The following MUSK variants were observed in gnomAD, a reference collection of about 807,000 sequenced individuals.
MUSK encodes muscle, skeletal receptor tyrosine-protein kinase.
A neutral mutation model predicts 88.7 loss-of-function variants in MUSK; 55 were observed. The ratio of observed to expected loss-of-function variants is 0.62; its 90% CI spans 0.50 to 0.78. The LOEUF (loss-of-function observed/expected upper bound fraction) is 0.78, where lower values mean the gene tolerates loss of function less well. Ranked by LOEUF, MUSK falls within the 30% of genes least tolerant of loss-of-function variation. The pLI is 0.00. For missense variants in MUSK, 1,015 were observed against 1,074.3 expected (o/e 0.94, Z 0.77); for synonymous variants, 387 against 391.9 (o/e 0.99, Z 0.15).
Position 110,803,296 on chromosome 9 carries a change from T to G in MUSK, c.*2308T>G, listed in dbSNP as rs2078120268. On this transcript the variant is annotated 3_prime_UTR_variant, in exon 15 of 15. Transcript: ENST00000374448. Reference sequence around the variant, plus strand: ...AATGTTGGTACTATCATTATATACATTTTAGTTTTGCTTTGTTTTGTTTTG... The same window carrying G: ...AATGTTGGTACTATCATTATATACAGTTTAGTTTTGCTTTGTTTTGTTTTG... Among the ~76,000 whole-genome samples, 1 of 152,218 alleles carries G rather than the reference T, an allele frequency of 6.6e-6. No homozygotes were observed. The highest frequency in any genetic ancestry group is 1.5e-5 in the Non-Finnish European group (1 of 68,036).
intron 9 of MUSK, among the ~76,000 whole-genome samples, chr9:110,770,500 TATA>T (rs2077557976): frequency 6.8e-6 from 1 of 146,968 alleles, no homozygotes; most frequent in Non-Finnish European, 1.5e-5. Flanking sequence ...TTTATAATAA[TATA>T]ATTATATATT....
intron 9 of MUSK, among the ~76,000 whole-genome samples, chr9:110,771,432 G>A (rs1378331603): frequency 6.6e-6 from 1 of 151,888 alleles, no homozygotes; most frequent in Non-Finnish European, 1.5e-5. Flanking sequence ...ATCTCTAAAG[G>A]CATCGTCGTT....
At chr9:110,672,997 C>T (rs1587873221) in intron 1 of MUSK, among the ~76,000 whole-genome samples, 2 of 152,176 alleles carry the variant, frequency 1.3e-5, no homozygotes, top group East Asian at 3.9e-4. Flanking sequence ...AAATAGTGCC[C>T]TAGTTTAAAC....
intron 5 of MUSK, among the ~76,000 whole-genome samples, chr9:110,721,754 A>C (rs2076813061): frequency 6.6e-6 from 1 of 152,170 alleles, no homozygotes; most frequent in Non-Finnish European, 1.5e-5. Context: ...TAAAATTCAT[A>C]TGGAACCTAA....
intron 1 of MUSK, among the ~76,000 whole-genome samples, chr9:110,681,484 A>G (rs899643719): frequency 6.6e-6 from 1 of 152,058 alleles, no homozygotes; most frequent in East Asian, 1.9e-4. Flanking sequence ...ACGTAAACAG[A>G]TCATTTTAAT....
intron 5 of MUSK, among the ~76,000 whole-genome samples, chr9:110,698,261 G>GA (rs2076458880): frequency 6.6e-6 from 1 of 152,148 alleles, no homozygotes; most frequent in Non-Finnish European, 1.5e-5. Context: ...GTTAAGTGGG[G>GA]TTTGCTCTAT....
chr9:110,709,868 G>C (rs1022835079), intron 5 of MUSK, among the ~76,000 whole-genome samples: 17 of 152,288 alleles, frequency 1.1e-4, no homozygotes, highest in South Asian at 8.3e-4. Flanking sequence ...TTTGAGACTA[G>C]GGGCAGTGGC....
chr9:110,681,392 C>T (rs2076135132), intron 1 of MUSK, among the ~76,000 whole-genome samples: 1 of 150,734 alleles, frequency 6.6e-6, no homozygotes, highest in Non-Finnish European at 1.5e-5. Context: ...AGTCACTGTG[C>T]TCACCCTGGG....
chr9:110,696,866 C>T (rs2076435898), intron 4 of MUSK, among the ~76,000 whole-genome samples: 1 of 151,484 alleles, frequency 6.6e-6, no homozygotes, highest in South Asian at 2.1e-4. Context: ...GTATAGTGGC[C>T]AAGTCTGAGA....
intron 2 of MUSK, among the ~76,000 whole-genome samples, chr9:110,683,774 A>G (rs1005996403): frequency 9.2e-5 from 14 of 152,066 alleles, no homozygotes; most frequent in Non-Finnish European, 1.2e-4. Context: ...TGCCATCTGC[A>G]TGTCTTCTTT....
At chr9:110,736,877 A>G (rs2077036321) in intron 6 of MUSK, among the ~76,000 whole-genome samples, 1 of 152,110 alleles carries the variant, frequency 6.6e-6, no homozygotes, top group East Asian at 1.9e-4. Context: ...TGGGCATCCC[A>G]GATAATTATA....
chr9:110,733,088 G>T (rs1193554817), intron 5 of MUSK, among the ~76,000 whole-genome samples: 2 of 152,048 alleles, frequency 1.3e-5, no homozygotes, highest in African/African-American at 4.8e-5. Flanking sequence ...CTAGAATTAA[G>T]TTTCAAAGCA....
intron 9 of MUSK, chr9:110,775,405 A>G (rs1276564221): frequency 8.2e-6 from 2 of 245,038 alleles, no homozygotes; most frequent in East Asian, 1.2e-4. Flanking sequence ...CTGGTTGACA[A>G]TGATCCTGAC....
At chr9:110,734,487 C>T (rs1410985666) in intron 6 of MUSK, 112 bp downstream of exon 6, 4 of 1,362,598 alleles carry the variant, frequency 2.9e-6, no homozygotes, top group Admixed American at 3.9e-5. Context: ...CTCACCTACA[C>T]CACTTTTCAA....
chr9:110,689,221 TAATATATA>T (rs1332648094), intron 3 of MUSK, among the ~76,000 whole-genome samples: 5 of 80,190 alleles, frequency 6.2e-5, no homozygotes, highest in East Asian at 5.1e-4. Context: ...ATATAATATA[TAATATATA>T]AATATATAAA....
At chr9:110,790,933 C>A (rs2077963482) in intron 14 of MUSK, among the ~76,000 whole-genome samples, 1 of 152,100 alleles carries the variant, frequency 6.6e-6, no homozygotes, top group African/African-American at 2.4e-5. Context: ...AGCATTTTGC[C>A]ACACAAGTAA....
chr9:110,772,847 A>T (rs1057440704), intron 9 of MUSK, among the ~76,000 whole-genome samples: 7 of 152,072 alleles, frequency 4.6e-5, no homozygotes, highest in Non-Finnish European at 1.0e-4. Context: ...CTTTTGAAAA[A>T]GTCTCTACCT....
intron 3 of MUSK, 149 bp downstream of exon 3, chr9:110,687,417 C>A (rs2076213089): frequency 2.3e-6 from 2 of 856,154 alleles, no homozygotes; most frequent in East Asian, 5.9e-5. Context: ...TCACTGCAAC[C>A]TCCACCTCCT....
intron 6 of MUSK, among the ~76,000 whole-genome samples, chr9:110,745,734 C>G (rs2077167756): frequency 6.6e-6 from 1 of 152,194 alleles, no homozygotes; most frequent in Non-Finnish European, 1.5e-5. Context: ...CTTATAGAGT[C>G]TAGGTTGCTC....
Sources: allele counts gnomAD v4.1 joint callset (sites outside exome capture counted in the v4.1 genomes callset), GRCh38; gene constraint gnomAD v4.1.1; transcripts MANE v1.5; gene names NCBI Gene and HGNC (gene_info 2026-07-23, HGNC 2026-07-21).